The following USP10 variants were observed in gnomAD, a reference collection of about 807,000 sequenced individuals.
USP10 encodes ubiquitin carboxyl-terminal hydrolase 10.
USP10 carries 22 observed loss-of-function variants against 84.5 expected under a neutral mutation model. The ratio of observed to expected loss-of-function variants is 0.26; its 90% CI spans 0.19 to 0.37. The LOEUF (loss-of-function observed/expected upper bound fraction) is 0.37. Among genes scored for constraint, USP10 ranks in the 10% least tolerant of loss-of-function variants. The probability of loss-of-function intolerance (pLI) is 1.00; values close to 1 mark genes in which losing one functional copy is unlikely to be tolerated. For synonymous variants in USP10, 454 were observed against 387.6 expected (o/e 1.17, Z -2.01); for missense variants, 1,019 against 998.9 (o/e 1.02, Z -0.27).
At chr16:84,724,862 G>C (rs1046269555) in intron 1 of USP10, among the ~76,000 whole-genome samples, 3 of 152,180 alleles carry the variant, frequency 2.0e-5, no homozygotes, top group Non-Finnish European at 4.4e-5. Flanking sequence ...GTCATCTCCA[G>C]ATGTCCTCAG....
chr16:84,763,917 T>C (rs566436019), intron 9 of USP10, among the ~76,000 whole-genome samples, 169 bp from the exon 10 acceptor site: 53 of 151,306 alleles, frequency 3.5e-4, no homozygotes, highest in African/African-American at 1.2e-3. Context: ...CCTGTTGCGA[T>C]TGGCCGTGGA....
chr16:84,735,515 C>A (rs1447190427), intron 2 of USP10, among the ~76,000 whole-genome samples: 2 of 152,018 alleles, frequency 1.3e-5, no homozygotes, highest in African/African-American at 4.8e-5. Context: ...CCTCCCATTT[C>A]TTTTCTCTTT....
chr16:84,705,518 A>G, intron 1 of USP10, among the ~76,000 whole-genome samples: 1 of 151,310 alleles, frequency 6.6e-6, no homozygotes, highest in East Asian at 2.0e-4. Flanking sequence ...GGCGTGAGCC[A>G]CCACACCCAG....
intron 13 of USP10, among the ~76,000 whole-genome samples, chr16:84,775,471 G>A (rs1241933194): frequency 6.6e-6 from 1 of 152,266 alleles, no homozygotes; most frequent in Non-Finnish European, 1.5e-5. Context: ...CTGTCTTTGA[G>A]TCAGAGGAGG....
chr16:84,759,392 G>C lies in USP10; in HGVS notation c.1314G>C (p.Pro438=). 1 of 1,613,962 alleles carries C rather than the reference G, an allele frequency of 6.2e-7. No individual in the cohort carries two copies. The highest frequency in any genetic ancestry group is 8.5e-7 in the Non-Finnish European group (1 of 1,179,886). Residue 438 remains proline (P), a synonymous_variant, in exon 6 of 14, where the codon CCG becomes CCC. Transcript: ENST00000219473. ...ATLQALVACP[P]MYHLMKFIPL... ...TGCAGGCATTGGTTGCTTGCCCGCC[G>C]ATGTACCACCTGATGAAGTTCATTC...
rs770390794 is a variant in USP10, at chr16:84,745,448, C to T, written c.967C>T (p.Pro323Ser). 24 of 1,613,780 alleles carry T rather than the reference C, an allele frequency of 1.5e-5. No homozygotes were observed. Among genetic ancestry groups the T allele is most frequent in the Non-Finnish European group, 2.0e-5 (24 of 1,179,710 alleles). ...DPTKPESASP[P>S]ADGTGSASGT... ...AACCAAACCCGAGAGTGCATCACCTCCTGCTGACGGCACGGGCTCTGCATC... is the reference window on the plus strand; with the variant it reads ...AACCAAACCCGAGAGTGCATCACCTTCTGCTGACGGCACGGGCTCTGCATC... The change falls in exon 4 of 14, where the codon CCT becomes TCT. Residue 323 changes from proline (P) to serine (S), a missense_variant. By Grantham distance (74) the Pro-to-Ser change is moderately conservative (BLOSUM62 -1). Coordinates refer to ENST00000219473, the MANE Select transcript of USP10 (RefSeq NM_005153.3).
rs769880072 is a variant in USP10, at chr16:84,775,241, C to G, written c.2209+16C>G. The G allele has an allele frequency of 1.9e-6, 3 of 1,611,138 alleles. No individual in the cohort carries two copies. Among genetic ancestry groups the G allele is most frequent in the Admixed American group, 1.7e-5 (1 of 60,000 alleles). On this transcript the variant is annotated intron_variant, in intron 13 of 13. Coordinates refer to ENST00000219473, the MANE Select transcript of USP10 (RefSeq NM_005153.3). ...CTCTTTGCAGGTGAGTAAATTTGTA[C>G]GACATTACTTCTTCATTAAAACACT...
At chr16:84,755,229 C>T (rs1050086152) in intron 4 of USP10, among the ~76,000 whole-genome samples, 42 of 151,708 alleles carry the variant, frequency 2.8e-4, no homozygotes, top group African/African-American at 9.2e-4. Context: ...GTTCAAGCCC[C>T]GTCTCACCCA....
intron 1 of USP10, among the ~76,000 whole-genome samples, chr16:84,722,978 G>A (rs1319624823): frequency 6.6e-6 from 1 of 152,130 alleles, no homozygotes; most frequent in African/African-American, 2.4e-5. Flanking sequence ...AGTGAAATGT[G>A]CCCAGAAAGA....
intron 4 of USP10, among the ~76,000 whole-genome samples, chr16:84,756,928 G>A (rs1912608897): frequency 6.6e-6 from 1 of 152,150 alleles, no homozygotes; most frequent in African/African-American, 2.4e-5. Flanking sequence ...GAATAAAAGG[G>A]ATTTTTAAGT....
rs144784971 is a variant in USP10, at chr16:84,725,431, C to T, written c.22-8004C>T. On this transcript the variant is annotated intron_variant, in intron 1 of 13. Coordinates refer to ENST00000219473, the MANE Select transcript of USP10 (RefSeq NM_005153.3). Reference sequence around the variant, plus strand: ...TTTTCTTTTTTGAGACGGAGTTTTGCTCTTGTTACCCGGGCTGGAGTGCAA... The same window carrying T: ...TTTTCTTTTTTGAGACGGAGTTTTGTTCTTGTTACCCGGGCTGGAGTGCAA... Among the ~76,000 whole-genome samples, 582 of 151,862 alleles carry T rather than the reference C, an allele frequency of 3.8e-3. 4 individuals carry two copies. Among genetic ancestry groups the T allele is most frequent in the African/African-American group, 0.014 (561 of 41,416 alleles).
chr16:84,738,867 C>T (rs34139611), intron 2 of USP10, among the ~76,000 whole-genome samples: 25,817 of 152,124 alleles, frequency 0.17, 2,523 homozygotes, highest in Middle Eastern at 0.31. Context: ...AGCAGCAGCT[C>T]TCATACAGTA....
intron 13 of USP10, among the ~76,000 whole-genome samples, chr16:84,777,824 C>T (rs1484409943): frequency 2.0e-5 from 3 of 152,232 alleles, no homozygotes; most frequent in Non-Finnish European, 4.4e-5. Context: ...TCTTGCATCT[C>T]TCCTGGTTCC....
At chr16:84,732,550 A>G in intron 1 of USP10, 1 of 362,316 alleles carries the variant, frequency 2.8e-6, no homozygotes. Flanking sequence ...TGGTTCAAGC[A>G]ATTCTCCTGG....
intron 1 of USP10, among the ~76,000 whole-genome samples, chr16:84,725,949 A>T (rs1272470741): frequency 6.6e-6 from 1 of 152,184 alleles, no homozygotes. Flanking sequence ...TTTGACTGTG[A>T]CCTGGTTATA....
intron 8 of USP10, 33 bp downstream of exon 8, chr16:84,760,308 G>C: frequency 1.3e-6 from 2 of 1,550,730 alleles, no homozygotes; most frequent in East Asian, 4.6e-5. Context: ...CTAGTATCAA[G>C]TGTTGCCTTT....
At chr16:84,733,913 T>C (rs1282770821) in intron 2 of USP10, among the ~76,000 whole-genome samples, 1 of 152,240 alleles carries the variant, frequency 6.6e-6, no homozygotes, top group Non-Finnish European at 1.5e-5. Flanking sequence ...ATTCAGTTTG[T>C]CGTTTATTTT....
At chr16:84,778,848 G>T (rs751935954) in intron 13 of USP10, 47 bp from the exon 14 acceptor site, 2 of 1,561,242 alleles carry the variant, frequency 1.3e-6, no homozygotes, top group African/African-American at 2.7e-5. Flanking sequence ...GTAATGATTC[G>T]TGTGCAGTGC....
intron 4 of USP10, 77 bp from the exon 5 acceptor site, chr16:84,758,639 G>C: frequency 9.7e-7 from 1 of 1,031,376 alleles, no homozygotes; most frequent in Non-Finnish European, 1.5e-6. Context: ...CTGTCCCAGA[G>C]TAGAGCATGT....
Sources: allele counts gnomAD v4.1 joint callset (sites outside exome capture counted in the v4.1 genomes callset), GRCh38; gene constraint gnomAD v4.1.1; transcripts MANE v1.5; gene names NCBI Gene and HGNC (gene_info 2026-07-23, HGNC 2026-07-21).